Variants in PIP5K1B observed in about 807,000 individuals in gnomAD.
PIP5K1B encodes the protein phosphatidylinositol 4-phosphate 5-kinase type-1 beta.
Under a neutral mutation model 67.0 loss-of-function variants are expected in PIP5K1B, and 42 were observed. The ratio of observed to expected loss-of-function variants is 0.63; its 90% CI spans 0.49 to 0.81. The LOEUF is 0.81. PIP5K1B is among the 30% of genes least tolerant of loss of function. The pLI, the probability that PIP5K1B is intolerant of heterozygous loss-of-function variation, is 0.00. For synonymous variants in PIP5K1B, 214 were observed against 231.4 expected (o/e 0.92, Z 0.68); for missense variants, 459 against 646.3 (o/e 0.71, Z 3.14).
At chr9:68,813,170 C>A (rs1357159060) in intron 2 of PIP5K1B, among the ~76,000 whole-genome samples, 1 of 152,178 alleles carries the variant, frequency 6.6e-6, no homozygotes, top group East Asian at 1.9e-4. Flanking sequence ...TCAGACTGGG[C>A]CATCTACATG....
chr9:68,936,922 G>T (rs553746625), intron 13 of PIP5K1B, among the ~76,000 whole-genome samples: 1 of 152,262 alleles, frequency 6.6e-6, no homozygotes, highest in East Asian at 1.9e-4. Context: ...TTATTGATTT[G>T]CATATGTTGA....
At chr9:69,005,701 A>G (rs930523062) in intron 15 of PIP5K1B, among the ~76,000 whole-genome samples, 1 of 151,516 alleles carries the variant, frequency 6.6e-6, no homozygotes, top group Non-Finnish European at 1.5e-5. Flanking sequence ...TTTTAATGGG[A>G]TCTTGTGGTT....
At chr9:68,842,490 A>T (rs1244839694) in intron 4 of PIP5K1B, among the ~76,000 whole-genome samples, 1 of 152,200 alleles carries the variant, frequency 6.6e-6, no homozygotes, top group African/African-American at 2.4e-5. Flanking sequence ...ACAATATGAG[A>T]CACTCCATTG....
rs372577410 is a variant in PIP5K1B, at chr9:68,780,740, T to C, written c.-85-37721T>C. ...CCCGGAGAAGCCAGAGCCCCATCAA[T>C]TGCATTAGACCAAGTGTTCTTGGAC... On this transcript the variant is annotated intron_variant, in intron 2 of 15. Coordinates refer to ENST00000265382, the MANE Select transcript of PIP5K1B (RefSeq NM_003558.4). The C allele has an allele frequency of 8.1e-6, 13 of 1,614,098 alleles. No homozygotes were observed. In the African/African-American group the frequency reaches 1.5e-4, roughly 18 times the overall value.
rs560279878 is a variant in PIP5K1B at position 68,983,751 on chromosome 9, G to A, written c.1503-7389G>A. Among the ~76,000 whole-genome samples the A allele has an allele frequency of 3.3e-5, 5 of 152,294 alleles. No individual in the cohort carries two copies. The East Asian group carries it at 9.7e-4, about 29-fold the overall frequency. On this transcript the variant is annotated intron_variant, in intron 14 of 15. Transcript: ENST00000265382. ...AATTAGCCCTCAGACAGTCTGAATC[G>A]AGAGAACTGTGGCAAAACTTAATGG... is the stretch of plus-strand genomic sequence containing the variant.
intron 14 of PIP5K1B, among the ~76,000 whole-genome samples, chr9:68,968,399 A>G (rs915618707): frequency 6.6e-6 from 1 of 152,070 alleles, no homozygotes; most frequent in Non-Finnish European, 1.5e-5. Flanking sequence ...GCATGCCTGT[A>G]ATCCCAGCTA....
At chr9:68,781,483 T>C (rs1831272319) in intron 2 of PIP5K1B, 1 of 172,498 alleles carries the variant, frequency 5.8e-6, no homozygotes, top group Admixed American at 6.2e-5. Context: ...GATGAAGAAC[T>C]ATACAGCTTA....
chr9:68,782,200 T>C (rs2132462723), intron 2 of PIP5K1B: 1 of 167,182 alleles, frequency 6.0e-6, no homozygotes, highest in Non-Finnish European at 1.5e-5. Flanking sequence ...ACAACAGGAC[T>C]GTGAATTGTT....
chr9:68,904,149 T>G (rs1825497949), intron 8 of PIP5K1B, among the ~76,000 whole-genome samples: 1 of 152,326 alleles, frequency 6.6e-6, no homozygotes, highest in Middle Eastern at 3.4e-3. Context: ...GCATCCAGAA[T>G]TTATACCCAG....
chr9:68,915,065 C>T (rs1826031275), intron 8 of PIP5K1B, among the ~76,000 whole-genome samples: 1 of 152,200 alleles, frequency 6.6e-6, no homozygotes, highest in Non-Finnish European at 1.5e-5. Context: ...TTTCTAAGCA[C>T]TTGACTTGCA....
intron 2 of PIP5K1B, among the ~76,000 whole-genome samples, chr9:68,768,931 G>A (rs1009555621): frequency 6.6e-6 from 1 of 152,120 alleles, no homozygotes; most frequent in African/African-American, 2.4e-5. Context: ...AAAGATACTG[G>A]GCAAACCTTC....
intron 1 of PIP5K1B, among the ~76,000 whole-genome samples, chr9:68,712,053 C>T (rs747164578): frequency 8.5e-5 from 13 of 152,146 alleles, no homozygotes; most frequent in Non-Finnish European, 1.3e-4. Flanking sequence ...AATGTGATTC[C>T]CCATGCTAGA....
intron 14 of PIP5K1B, among the ~76,000 whole-genome samples, chr9:68,968,516 A>C (rs934512193): frequency 5.3e-5 from 8 of 151,860 alleles, no homozygotes; most frequent in African/African-American, 1.2e-4. Flanking sequence ...AAAAAAAAAA[A>C]AAAACCTGTT....
At chr9:68,724,970 T>G (rs1195204304) in intron 1 of PIP5K1B, among the ~76,000 whole-genome samples, 2 of 152,188 alleles carry the variant, frequency 1.3e-5, no homozygotes, top group Non-Finnish European at 2.9e-5. Context: ...CTGCTTAAAA[T>G]GTGTTTTTGG....
chr9:68,856,067 A>G (rs966793699), intron 4 of PIP5K1B, among the ~76,000 whole-genome samples: 2 of 152,102 alleles, frequency 1.3e-5, no homozygotes, highest in East Asian at 3.9e-4. Flanking sequence ...TGCTACGCTA[A>G]GTAGCAGCCA....
rs147777203 is a variant in PIP5K1B at position 68,996,152 on chromosome 9, C to T, written c.1620+4895C>T. On this transcript the variant is annotated intron_variant, in intron 15 of 15. Transcript: ENST00000265382. ...AAGTTTAAACCCAAATGACGTATGC[C>T]CACCAGATAACATATGAAATATCCT... Among the ~76,000 whole-genome samples the T allele has an allele frequency of 4.0e-3, 606 of 152,234 alleles. 5 individuals carry two copies. Among genetic ancestry groups the T allele is most frequent in the African/African-American group, 0.013 (541 of 41,536 alleles).
intron 8 of PIP5K1B, among the ~76,000 whole-genome samples, chr9:68,915,505 G>T (rs1826051072): frequency 6.6e-6 from 1 of 152,174 alleles, no homozygotes; most frequent in South Asian, 2.1e-4. Context: ...CATGGTCTGT[G>T]CTACTGTATG....
chr9:68,722,912 G>A (rs1827958800), intron 1 of PIP5K1B, among the ~76,000 whole-genome samples: 1 of 152,054 alleles, frequency 6.6e-6, no homozygotes, highest in South Asian at 2.1e-4. Context: ...ATCTATCTGT[G>A]TTTTTGTATC....
intron 2 of PIP5K1B, among the ~76,000 whole-genome samples, chr9:68,791,617 G>C (rs976223086): frequency 1.3e-5 from 2 of 152,060 alleles, no homozygotes; most frequent in African/African-American, 2.4e-5. Context: ...ATAATTGTCA[G>C]GTTACTTTGA....
Sources: gnomAD v4.1 joint callset for allele counts (sites outside exome capture counted in the v4.1 genomes callset) on GRCh38, gnomAD v4.1.1 for gene constraint, MANE v1.5 for transcripts, NCBI Gene and HGNC (gene_info 2026-07-23, HGNC 2026-07-21) for gene names.